Variants in HTR3A observed in about 807,000 individuals in gnomAD.
The protein encoded by HTR3A is 5-hydroxytryptamine (serotonin) receptor 3A, ionotropic.
A neutral mutation model predicts 54.8 loss-of-function variants in HTR3A; 45 were observed. The ratio of observed to expected loss-of-function variants is 0.82; its 90% CI spans 0.65 to 1.05. The LOEUF (loss-of-function observed/expected upper bound fraction) is 1.05. HTR3A is among the 50% of genes least tolerant of loss of function. The pLI is 0.00. For missense variants in HTR3A, 657 were observed against 614.0 expected (o/e 1.07, Z -0.74); for synonymous variants, 297 against 256.0 (o/e 1.16, Z -1.53).
In HTR3A at chr11:113,986,611, C is replaced by T; in HGVS notation, c.799C>T (p.Pro267Ser). The change falls in exon 7 of 9, where the codon CCC (proline) becomes TCC (serine). Residue 267 changes from proline to serine, a missense_variant. Transcript: ENST00000504030. ...MVMDIVGFYL[P>S]PNSGERVSFK... ...CATGGACATCGTGGGCTTCTACCTG[C>T]CCCCCAACAGTGGCGAGAGGGTCTC... 1 of 1,613,536 alleles carries T rather than the reference C, an allele frequency of 6.2e-7. No homozygotes were observed. The highest frequency in any genetic ancestry group is 8.5e-7 in the Non-Finnish European group (1 of 1,179,964).
chr11:113,977,854 C>T lies in HTR3A; in HGVS notation c.151C>T (p.Pro51Ser), dbSNP rs1302449130. ...LLTNYRKGVR[P>S]VRDWRKPTTV... ...GACCAACTACAGGAAGGGTGTGCGC[C>T]CCGTGAGGGACTGGAGGAAGCCAAC... is the stretch of plus-strand genomic sequence containing the variant. Residue 51 changes from proline (P) to serine (S), a missense_variant, in exon 2 of 9, where the codon CCC becomes TCC. Pro to Ser is a moderately conservative substitution (Grantham distance 74). Coordinates refer to ENST00000504030, the MANE Select transcript of HTR3A (RefSeq NM_000869.6). 4 of 1,614,020 alleles carry T rather than the reference C, an allele frequency of 2.5e-6. No homozygotes were observed. In the East Asian group the frequency reaches 6.7e-5, roughly 27 times the overall value.
Position 113,987,016 on chromosome 11 carries a change from T to C in HTR3A, c.1108T>C (p.Ser370Pro), listed in dbSNP as rs1377796123. 2.5e-6 allele frequency: 4 copies of C among 1,613,760 alleles called. No homozygotes were observed. The highest frequency in any genetic ancestry group is 3.3e-5 in the Admixed American group (2 of 60,000). Residue 370 changes from serine to proline, a missense_variant, in exon 8 of 9, where the codon TCC (serine) becomes CCC (proline). Ser to Pro is a moderately conservative substitution (Grantham distance 74). Coordinates refer to ENST00000504030, the MANE Select transcript of HTR3A (RefSeq NM_000869.6). ...QSTSQRPPAT[S>P]QATKTDDCSA... is the part of the protein sequence containing the mutation. ...AACTTCCCAGAGGCCCCCAGCCACC[T>C]CCCAAGCCACCAAGACTGATGACTG...
At chr11:113,988,145 G>A (rs1357544487) in intron 8 of HTR3A, among the ~76,000 whole-genome samples, 1 of 152,192 alleles carries the variant, frequency 6.6e-6, no homozygotes, top group Non-Finnish European at 1.5e-5. Flanking sequence ...ACTAGGGCCA[G>A]GCCCTTTACA....
At chr11:113,978,209 C>T (rs969534135) in intron 2 of HTR3A, among the ~76,000 whole-genome samples, 10 of 152,208 alleles carry the variant, frequency 6.6e-5, no homozygotes, top group South Asian at 2.1e-4. Flanking sequence ...TCTATGTCAG[C>T]TGTATGAGGA....
chr11:113,982,994 C>T, intron 4 of HTR3A, 126 bp from the exon 5 acceptor site: 1 of 1,083,826 alleles, frequency 9.2e-7, no homozygotes, highest in Non-Finnish European at 1.4e-6. Flanking sequence ...GGCAAAACAT[C>T]CAGGTTATCC....
rs765356586 is a variant in HTR3A, at chr11:113,986,157, T to C, written c.687T>C (p.Tyr229=). 25 of 1,614,084 alleles carry C rather than the reference T, an allele frequency of 1.5e-5. No individual in the cohort carries two copies. Among genetic ancestry groups the C allele is most frequent in the South Asian group, 1.3e-4 (12 of 91,090 alleles). ...REFSMESSNY[Y]AEMKFYVVIR... ...TCAGCATGGAAAGCAGTAACTACTA[T>C]GCAGAAATGAAGTTCTATGTGAGTG... is the stretch of plus-strand genomic sequence containing the variant. Residue 229 remains tyrosine (Y), a synonymous_variant, in exon 6 of 9, where the codon TAT becomes TAC. Coordinates refer to ENST00000504030, the MANE Select transcript of HTR3A (RefSeq NM_000869.6).
In HTR3A at chr11:113,977,886, AT is replaced by A; in HGVS notation, c.184del (p.Ser62ProfsTer19). 6.2e-7 allele frequency: 1 copy of A among 1,614,216 alleles called. No individual in the cohort carries two copies. Among genetic ancestry groups the A allele is most frequent in the Non-Finnish European group, 8.5e-7 (1 of 1,180,034 alleles). On this transcript the variant is annotated frameshift_variant, in exon 2 of 9. Transcript: ENST00000504030. LOFTEE classifies it high-confidence loss of function. ...GGGACTGGAGGAAGCCAACCACCGT[AT>A]CCATTGACGTCATTGTCTATGCCAT... ...VRDWRKPTTVSIDVIVYAILN... is the reference protein window; with the variant it reads ...VRDWRKPTTVXIDVIVYAILN...
chr11:113,989,328 C>T lies in HTR3A; in HGVS notation c.1139-137C>T. ...CAGTGAGCTTAGATCACACCACTGC[C>T]CTCCAGCCTGGGTGACAGAGTGAGA... On this transcript the variant is annotated intron_variant, in intron 8 of 8. Transcript: ENST00000504030. The surrounding 1 kb of genome is among the most constrained non-coding windows in gnomAD (Gnocchi z 4.4). 1.1e-6 allele frequency: 1 copy of T among 920,276 alleles called. No homozygotes were observed. Among genetic ancestry groups the T allele is most frequent in the East Asian group, 2.5e-5 (1 of 40,426 alleles). 57.0% of individuals were successfully genotyped at this position (920,276 alleles called of 1,614,324 possible).
In HTR3A at chr11:113,989,558, C is replaced by T. The variant is rs761832225; in HGVS notation, c.1232C>T (p.Ala411Val). The change falls in exon 9 of 9, where the codon GCC becomes GTC. Residue 411 changes from alanine to valine, a missense_variant. By Grantham distance (64) the Ala-to-Val change is moderately conservative. Coordinates refer to ENST00000504030, the MANE Select transcript of HTR3A (RefSeq NM_000869.6). This position sits in a 1 kb window ranked among gnomAD's most constrained non-coding sequence, Gnocchi z 4.4. Reference sequence around the variant, plus strand: ...AGCCCTCCCCCACCACCTCGGGAGGCCTCGCTGGCGGTGTGTGGGCTGCTG... The same window carrying T: ...AGCCCTCCCCCACCACCTCGGGAGGTCTCGCTGGCGGTGTGTGGGCTGCTG... ...RCSPPPPPRE[A>V]SLAVCGLLQE... is the part of the protein sequence containing the mutation. 5 of 1,614,056 alleles carry T rather than the reference C, an allele frequency of 3.1e-6. No homozygotes were observed. In the East Asian group the frequency reaches 6.7e-5, roughly 22 times the overall value.
At position 113,977,774 on chromosome 11, in the gene HTR3A, G is replaced by T. The variant is rs775810741; in HGVS notation, c.71G>T (p.Arg24Met). 45 of 1,614,006 alleles carry T rather than the reference G, an allele frequency of 2.8e-5. No individual in the cohort carries two copies. Among genetic ancestry groups the T allele is most frequent in the Non-Finnish European group, 3.2e-5 (38 of 1,180,030 alleles). ...TTTGAACTGTTCTCCTTCCCAGCCA[G>T]GAGGAGCCGAAACACCACCAGGCCC... is the stretch of plus-strand genomic sequence containing the variant. ...LPTLLAQGEA[R>M]RSRNTTRPAL... The change falls in exon 2 of 9, where the codon AGG becomes ATG. Residue 24 changes from arginine (R) to methionine (M), a missense_variant. Coordinates refer to ENST00000504030, the MANE Select transcript of HTR3A (RefSeq NM_000869.6).
Position 113,975,319 on chromosome 11 carries a change from G to C in HTR3A, c.-7G>C, listed in dbSNP as rs190646973. 4.3e-6 allele frequency: 7 copies of C among 1,613,460 alleles called. No individual in the cohort carries two copies. The highest frequency in any genetic ancestry group is 1.7e-5 in the Admixed American group (1 of 60,006). ...TCGGAGGCACTCCTATGCTTGGAAA[G>C]CTCGCTATGCTGCTGTGGGTCCAGC... On this transcript the variant is annotated 5_prime_UTR_variant, in exon 1 of 9. Coordinates refer to ENST00000504030, the MANE Select transcript of HTR3A (RefSeq NM_000869.6).
In HTR3A at chr11:113,977,784, A is replaced by C. The variant is rs1950369792; in HGVS notation, c.81A>C (p.Arg27=). 1 of 1,614,086 alleles carries C rather than the reference A, an allele frequency of 6.2e-7. No homozygotes were observed. The highest frequency in any genetic ancestry group is 2.2e-5 in the East Asian group (1 of 44,862). Residue 27 remains arginine, a synonymous_variant, in exon 2 of 9, where the codon CGA becomes CGC. Coordinates refer to ENST00000504030, the MANE Select transcript of HTR3A (RefSeq NM_000869.6). ...TCTCCTTCCCAGCCAGGAGGAGCCG[A>C]AACACCACCAGGCCCGCTCTGCTGA... is the stretch of plus-strand genomic sequence containing the variant. ...LLAQGEARRS[R]NTTRPALLRL...
At chr11:113,983,569 C>T (rs1950450940) in intron 5 of HTR3A, among the ~76,000 whole-genome samples, 1 of 152,154 alleles carries the variant, frequency 6.6e-6, no homozygotes, top group South Asian at 2.1e-4. Context: ...CGTATATATA[C>T]ACACATACAC....
chr11:113,978,299 G>A (rs190244241), intron 2 of HTR3A, among the ~76,000 whole-genome samples: 1 of 152,296 alleles, frequency 6.6e-6, no homozygotes, highest in Non-Finnish European at 1.5e-5. Flanking sequence ...CTAAATGATT[G>A]TTGAAGAATC....
rs1291466681 is a variant in HTR3A, at chr11:113,986,095, T to A, written c.625T>A (p.Trp209Arg). Residue 209 changes from tryptophan (W) to arginine (R), a missense_variant, in exon 6 of 9, where the codon TGG (tryptophan) becomes AGG (arginine). Transcript: ENST00000504030. Reference protein sequence around the residue: ...DRSVFMNQGEWELLGVLPYFR... With the variant: ...DRSVFMNQGERELLGVLPYFR... The stretch of plus-strand genomic sequence containing the variant: ...GAGTGTCTTCATGAACCAGGGAGAG[T>A]GGGAGTTGCTGGGGGTGCTGCCCTA... 6.2e-7 allele frequency: 1 copy of A among 1,613,408 alleles called. No individual in the cohort carries two copies. Among genetic ancestry groups the A allele is most frequent in the African/African-American group, 1.3e-5 (1 of 74,650 alleles).
At chr11:113,982,508 C>T (rs766955730) in intron 4 of HTR3A, among the ~76,000 whole-genome samples, 2 of 152,198 alleles carry the variant, frequency 1.3e-5, no homozygotes, top group Non-Finnish European at 2.9e-5. Flanking sequence ...GAGGGCTCAG[C>T]CTACTCCATG....
At chr11:113,986,416 G>T (rs1950491841) in intron 6 of HTR3A, 102 bp from the exon 7 acceptor site, 1 of 1,382,318 alleles carries the variant, frequency 7.2e-7, no homozygotes, top group Admixed American at 1.8e-5. Flanking sequence ...GAGCAATCCA[G>T]GCTGGAAGCC....
At position 113,977,456 on chromosome 11, in the gene HTR3A, C is replaced by T. The variant is rs559812378; in HGVS notation, c.68-315C>T. On this transcript the variant is annotated intron_variant, in intron 1 of 8. Coordinates refer to ENST00000504030, the MANE Select transcript of HTR3A (RefSeq NM_000869.6). ...GAGGCCCTCGCTTAGGCCCCGTGGG[C>T]CACCTGCTCCGACCTTCTTAGCCCT... is the stretch of plus-strand genomic sequence containing the variant. 9.1e-4 allele frequency: 1,122 copies of T among 1,236,292 alleles called. 14 individuals are homozygous for T. In the African/African-American group the frequency reaches 0.019, roughly 21 times the overall value. The allele number at this position is 1,236,292 out of a possible 1,614,324, so 76.6% of individuals were successfully genotyped here. A position where few individuals can be genotyped will look rare whatever the true frequency, so the allele number is the denominator to read the frequency against.
rs1303940106 is a variant in HTR3A, at chr11:113,979,282, G to A, written c.264+5G>A. 5 of 1,609,148 alleles carry A rather than the reference G, an allele frequency of 3.1e-6. No individual in the cohort carries two copies. The highest frequency in any genetic ancestry group is 1.1e-5 in the South Asian group (1 of 91,036). Reference sequence around the variant, plus strand: ...ACCTACATCTGGTACCGGCAGGTGAGCAGACCCGCCCCTCCCTGCCCCCGT... The same window carrying A: ...ACCTACATCTGGTACCGGCAGGTGAACAGACCCGCCCCTCCCTGCCCCCGT... On this transcript the variant is annotated splice_donor_5th_base_variant and intron_variant, in intron 3 of 8. Coordinates refer to ENST00000504030, the MANE Select transcript of HTR3A (RefSeq NM_000869.6).
Sources: allele counts gnomAD v4.1 joint callset (sites outside exome capture counted in the v4.1 genomes callset), GRCh38; gene constraint gnomAD v4.1.1; non-coding constraint Gnocchi (gnomAD v3.1); transcripts MANE v1.5; gene names NCBI Gene and HGNC (gene_info 2026-07-23, HGNC 2026-07-21).